Variants in CLTRN observed in about 807,000 individuals in gnomAD.
The protein encoded by CLTRN is collectrin.
In CLTRN, 12 loss-of-function variants were observed where a neutral mutation model predicts 14.5. The observed-to-expected ratio is 0.83, with a 90% CI of 0.53 to 1.34. The LOEUF (loss-of-function observed/expected upper bound fraction) is 1.34. CLTRN is among the 40% of genes most tolerant of loss of function. CLTRN has a pLI of 0.00. For missense variants in CLTRN, 154 were observed against 165.1 expected (o/e 0.93, Z 0.37); for synonymous variants, 58 against 56.5 (o/e 1.03, Z -0.12).
intron 3 of CLTRN, chrX:15,646,485 C>CCCCCCCCCCA: frequency 3.3e-6 from 1 of 302,808 alleles, no homozygotes; most frequent in Non-Finnish European, 6.6e-6. Flanking sequence ...ACCCCCGCGC[C>CCCCCCCCCCA]AGAAGCACTG....
At chrX:15,656,138 C>G (rs1929355635) in intron 3 of CLTRN, among the ~76,000 whole-genome samples, 1 of 112,081 alleles carries the variant, frequency 8.9e-6, no homozygotes, top group Non-Finnish European at 1.9e-5. Context: ...CTTCCACTGC[C>G]TGCCTGCGGT....
chrX:15,630,363 A>AGAAAGAAGGAAGGAAG (rs1335378576), intron 5 of CLTRN, among the ~76,000 whole-genome samples: 103 of 54,660 alleles, frequency 1.9e-3, no homozygotes, highest in African/African-American at 0.01. Context: ...ACCACAAGAA[A>AGAAAGAAGGAAGGAAG]GAAGGAAGGA....
intron 3 of CLTRN, among the ~76,000 whole-genome samples, chrX:15,650,947 T>A (rs760362425): frequency 1.8e-5 from 2 of 111,559 alleles, no homozygotes; most frequent in Non-Finnish European, 3.8e-5. Context: ...CTTGCTTGGA[T>A]GATGCTTTCA....
intron 5 of CLTRN, 73 bp downstream of exon 5, chrX:15,639,489 T>C: frequency 1.0e-6 from 1 of 972,172 alleles, no homozygotes; most frequent in Admixed American, 3.1e-5. Flanking sequence ...CAGAGGAAAA[T>C]CCTCTCCTGA....
intron 1 of CLTRN, chrX:15,674,848 G>A (rs1309745261): frequency 8.8e-6 from 1 of 113,592 alleles, no homozygotes; most frequent in Non-Finnish European, 1.9e-5. Context: ...CGCGTGACCA[G>A]AAGTGAAGGT....
At chrX:15,632,741 G>A (rs937098491) in intron 5 of CLTRN, among the ~76,000 whole-genome samples, 6 of 107,520 alleles carry the variant, frequency 5.6e-5, no homozygotes, top group Admixed American at 9.9e-5. Context: ...AAAATTAGCC[G>A]GGTGTGGTGG....
At chrX:15,675,078 C>G (rs890378075), upstream of CLTRN, 1 of 113,050 alleles carries the variant, frequency 8.8e-6, no homozygotes, top group African/African-American at 3.2e-5. Context: ...GTGAGGAGCG[C>G]AGGCAGCAAG....
Position 15,659,869 on chromosome X carries a change from G to A in CLTRN, c.118-768C>T, listed in dbSNP as rs148923598. ...CAGAACTGAGAGAAAATAAATTTCC[G>A]TTGTGTAAGGCACCCAGTCTGTGTT... On this transcript the variant is annotated intron_variant, in intron 2 of 5. Transcript: ENST00000380342. 4.4e-3 allele frequency among the ~76,000 whole-genome samples: 491 copies of A among 111,917 alleles called. 1 individual carries two copies. Among genetic ancestry groups the A allele is most frequent in the African/African-American group, 0.014 (443 of 30,800 alleles).
In CLTRN at chrX:15,645,054, A is replaced by T. The variant is rs187219255; in HGVS notation, c.204-25T>A. On this transcript the variant is annotated intron_variant, in intron 3 of 5. Coordinates refer to ENST00000380342, the MANE Select transcript of CLTRN (RefSeq NM_020665.6). ...TCTGCAGACAGTGGAAAGAAAAAAT[A>T]CATGAGAAGAATATCATACCAAATG... 264 of 988,944 alleles carry T rather than the reference A, an allele frequency of 2.7e-4. 2 individuals are homozygous for T. In the East Asian group the frequency reaches 6.6e-3, roughly 25 times the overall value. The allele number at this position is 988,944 out of a possible 1,213,427, so 81.5% of individuals were successfully genotyped here.
chrX:15,656,873 T>G (rs1279825509), intron 3 of CLTRN, among the ~76,000 whole-genome samples: 2 of 111,253 alleles, frequency 1.8e-5, no homozygotes, highest in African/African-American at 6.5e-5. Context: ...CAGTCCAGTT[T>G]TGCAGTTTTG....
Position 15,647,024 on chromosome X carries a change from C to T in CLTRN, c.204-1995G>A, listed in dbSNP as rs968664736. On this transcript the variant is annotated intron_variant, in intron 3 of 5. Coordinates refer to ENST00000380342, the MANE Select transcript of CLTRN (RefSeq NM_020665.6). The stretch of plus-strand genomic sequence containing the variant: ...CTGCTGAGGATATGTGGCCGCCAGG[C>T]GCCCGGTCGCCGCAGGAGCGCTAGG... 2.8e-5 allele frequency: 7 copies of T among 249,046 alleles called. No individual in the cohort carries two copies. In the East Asian group the frequency reaches 4.3e-4, roughly 15 times the overall value. 20.5% of individuals were successfully genotyped at this position (249,046 alleles called of 1,213,427 possible).
chrX:15,630,866 G>T (rs888933535), intron 5 of CLTRN, among the ~76,000 whole-genome samples: 1 of 111,854 alleles, frequency 8.9e-6, no homozygotes, highest in African/African-American at 3.3e-5. Context: ...CCCACCAGAG[G>T]ATTAGAACAC....
Position 15,664,785 on chromosome X carries a change from G to A in CLTRN, c.-10C>T. The A allele has an allele frequency of 8.3e-7, 1 of 1,204,447 alleles. No homozygotes were observed. On this transcript the variant is annotated 5_prime_UTR_variant, in exon 1 of 6. Coordinates refer to ENST00000380342, the MANE Select transcript of CLTRN (RefSeq NM_020665.6). ...AGAGCAGCCACAACATTCTTTCAGG[G>A]TGGAAAACACAAGGCAAAGTGAGAA...
chrX:15,647,327 TCCCTTG>T (rs1198822355), intron 3 of CLTRN, among the ~76,000 whole-genome samples: 1 of 111,775 alleles, frequency 8.9e-6, no homozygotes, highest in Non-Finnish European at 1.9e-5. Context: ...TTAAAGCCCT[TCCCTTG>T]CCCTTGCCCA....
chrX:15,646,287 G>A, intron 3 of CLTRN: 1 of 248,570 alleles, frequency 4.0e-6, no homozygotes, highest in South Asian at 4.0e-5. Flanking sequence ...CTGACATTTT[G>A]ATACCAAAGG....
Position 15,639,584 on chromosome X carries a change from A to G in CLTRN, c.490T>C (p.Ser164Pro), listed in dbSNP as rs369217478. ...IIVAIALLIL[S>P]GIWQRRRKNK... is the part of the protein sequence containing the mutation. The stretch of plus-strand genomic sequence containing the variant: ...TACCTTCTACGTTGCCAGATCCCTG[A>G]TAAAATCAGTAGTGCAATTGCAACT... Residue 164 changes from serine (S) to proline (P), a missense_variant, in exon 5 of 6, where the codon TCA becomes CCA. Transcript: ENST00000380342. 4.1e-6 allele frequency: 5 copies of G among 1,206,737 alleles called. No homozygotes were observed. In the African/African-American group the frequency reaches 8.8e-5, roughly 21 times the overall value.
At chrX:15,646,486 A>G in intron 3 of CLTRN, 1 of 96,682 alleles carries the variant, frequency 1.0e-5, no homozygotes. Context: ...CCCCCGCGCC[A>G]GAAGCACTGG....
intron 1 of CLTRN, 56 bp from the exon 2 acceptor site, chrX:15,664,451 A>G: frequency 9.8e-7 from 1 of 1,020,637 alleles, no homozygotes; most frequent in Non-Finnish European, 1.3e-6. Flanking sequence ...CTGCCAAAAC[A>G]GAGTCTGAAA....
intron 1 of CLTRN, among the ~76,000 whole-genome samples, chrX:15,671,354 A>G (rs998738426): frequency 2.7e-5 from 3 of 112,672 alleles, no homozygotes; most frequent in African/African-American, 9.7e-5. Context: ...TAAAACATGA[A>G]AGCCCACAGG....
Sources: gnomAD v4.1 joint callset for allele counts (sites outside exome capture counted in the v4.1 genomes callset) on GRCh38, gnomAD v4.1.1 for gene constraint, MANE v1.5 for transcripts, NCBI Gene and HGNC (gene_info 2026-07-23, HGNC 2026-07-21) for gene names.